Variants in SH3RF3 observed in about 807,000 individuals in gnomAD.
The protein encoded by SH3RF3 is SH3 domain containing ring finger 3, also known as E3 ubiquitin-protein ligase SH3RF3.
In SH3RF3, 29 loss-of-function variants were observed where a neutral mutation model predicts 66.3. The ratio of observed to expected loss-of-function variants is 0.44; its 90% confidence interval spans 0.33 to 0.60. SH3RF3 has a LOEUF of 0.60. SH3RF3 is among the 20% of genes least tolerant of loss of function. The pLI is 0.04. For missense variants in SH3RF3, 1,194 were observed against 1,190.9 expected, an observed-to-expected ratio of 1.00 and a Z score of -0.04; for synonymous variants, 583 against 532.0, an observed-to-expected ratio of 1.10 and a Z score of -1.32.
chr2:109,174,879 A>G (rs1218369538), intron 1 of SH3RF3, among the ~76,000 whole-genome samples: 1 of 152,190 alleles, frequency 6.6e-6, no homozygotes, highest in African/African-American at 2.4e-5. Flanking sequence ...CTCTGTCAAC[A>G]TATTTCAGAT....
intron 9 of SH3RF3, among the ~76,000 whole-genome samples, chr2:109,492,022 C>T (rs139532463): frequency 0.014 from 2,149 of 152,118 alleles, 49 homozygotes; most frequent in African/African-American, 0.049. Context: ...ACAGGTTCTT[C>T]GTCAAGGGCC....
chr2:109,471,929 T>G (rs1054342824), intron 8 of SH3RF3, among the ~76,000 whole-genome samples: 2 of 152,120 alleles, frequency 1.3e-5, no homozygotes, highest in African/African-American at 4.8e-5. Flanking sequence ...TGAACAGCAG[T>G]TCATGTAACT....
intron 1 of SH3RF3, among the ~76,000 whole-genome samples, chr2:109,201,509 C>T (rs1374549443): frequency 6.6e-6 from 1 of 152,184 alleles, no homozygotes; most frequent in African/African-American, 2.4e-5. Context: ...CCCAGGCCAC[C>T]CTTGCTGTCT....
chr2:109,495,740 C>T (rs1444480232), intron 9 of SH3RF3, among the ~76,000 whole-genome samples: 2 of 152,126 alleles, frequency 1.3e-5, no homozygotes, highest in African/African-American at 4.8e-5. Context: ...GATCCGCCCA[C>T]CTCGGATTCC....
chr2:109,237,288 A>G (rs1030561565), intron 1 of SH3RF3, among the ~76,000 whole-genome samples: 2 of 152,262 alleles, frequency 1.3e-5, no homozygotes, highest in African/African-American at 4.8e-5. Context: ...GAAGACATTT[A>G]TCTTTATCAG....
intron 1 of SH3RF3, among the ~76,000 whole-genome samples, chr2:109,142,045 G>GT (rs1004467044): frequency 6.8e-6 from 1 of 147,582 alleles, no homozygotes; most frequent in Non-Finnish European, 1.5e-5. Context: ...GAGTCTCCTG[G>GT]GGGGGGGGTC....
chr2:109,341,297 C>T (rs1682548642), intron 1 of SH3RF3, among the ~76,000 whole-genome samples: 2 of 152,242 alleles, frequency 1.3e-5, no homozygotes, highest in African/African-American at 4.8e-5. Flanking sequence ...CAAACTTCTT[C>T]ATCGCGGATT....
At chr2:109,194,183 C>A (rs1678438877) in intron 1 of SH3RF3, among the ~76,000 whole-genome samples, 1 of 152,232 alleles carries the variant, frequency 6.6e-6, no homozygotes, top group Non-Finnish European at 1.5e-5. Context: ...GGTTGGAATC[C>A]CTGAAACAGG....
At chr2:109,398,532 C>A in intron 3 of SH3RF3, 58 bp from the exon 4 acceptor site, 1 of 1,421,920 alleles carries the variant, frequency 7.0e-7, no homozygotes, top group Non-Finnish European at 9.5e-7. Flanking sequence ...GTGCAGAGGG[C>A]TGGTGTGGCA....
At chr2:109,210,604 A>C (rs994286530) in intron 1 of SH3RF3, among the ~76,000 whole-genome samples, 2 of 152,306 alleles carry the variant, frequency 1.3e-5, no homozygotes, top group East Asian at 3.9e-4. Context: ...GATTGTGTCC[A>C]GCTCAGGGAA....
intron 8 of SH3RF3, among the ~76,000 whole-genome samples, chr2:109,470,031 G>A (rs141675865): frequency 3.3e-5 from 5 of 152,236 alleles, no homozygotes; most frequent in Non-Finnish European, 7.4e-5. Context: ...TTCACTCTTC[G>A]TGCGTCCTGT....
At chr2:109,182,880 A>G (rs1413306793) in intron 1 of SH3RF3, among the ~76,000 whole-genome samples, 1 of 152,204 alleles carries the variant, frequency 6.6e-6, no homozygotes, top group Non-Finnish European at 1.5e-5. Flanking sequence ...GCCATATAAA[A>G]TTATACTGTT....
intron 5 of SH3RF3, among the ~76,000 whole-genome samples, chr2:109,423,796 A>G (rs1224191293): frequency 6.6e-6 from 1 of 152,164 alleles, no homozygotes; most frequent in Non-Finnish European, 1.5e-5. Flanking sequence ...GATGCGACCA[A>G]GAATATGAGA....
At chr2:109,394,604 C>G (rs1676090314) in intron 3 of SH3RF3, among the ~76,000 whole-genome samples, 1 of 152,184 alleles carries the variant, frequency 6.6e-6, no homozygotes, top group African/African-American at 2.4e-5. Context: ...AAAATGTGTT[C>G]TCTTTCCATT....
intron 2 of SH3RF3, among the ~76,000 whole-genome samples, chr2:109,365,560 C>G (rs142656739): frequency 1.3e-5 from 2 of 152,172 alleles, no homozygotes; most frequent in Non-Finnish European, 2.9e-5. Context: ...CAGCTTCTTA[C>G]GTTCTAGACT....
intron 6 of SH3RF3, 85 bp downstream of exon 6, chr2:109,432,756 C>CT (rs1326985179): frequency 1.3e-6 from 2 of 1,487,752 alleles, no homozygotes; most frequent in Non-Finnish European, 1.8e-6. Flanking sequence ...GGAGGCTACT[C>CT]TGTCAGCCGG....
At chr2:109,204,373 T>C (rs12615104) in intron 1 of SH3RF3, among the ~76,000 whole-genome samples, 62,668 of 152,102 alleles carry the variant, frequency 0.41, 15,173 homozygotes, top group East Asian at 0.8. Context: ...TATCTTATCT[T>C]TTAAATCATT....
chr2:109,302,462 A>G (rs10181589), intron 1 of SH3RF3, among the ~76,000 whole-genome samples: 43,860 of 152,240 alleles, frequency 0.29, 8,597 homozygotes, highest in African/African-American at 0.55. Flanking sequence ...ACCAGGCACA[A>G]CATGTGCCTC....
chr2:109,430,170 C>T (rs779982591), intron 5 of SH3RF3, among the ~76,000 whole-genome samples: 12 of 152,230 alleles, frequency 7.9e-5, no homozygotes, highest in South Asian at 2.1e-4. Flanking sequence ...GCTGTTGGTG[C>T]GGCCTGAGTT....
Sources: gnomAD v4.1 joint callset for allele counts (sites outside exome capture counted in the v4.1 genomes callset) on GRCh38, gnomAD v4.1.1 for gene constraint, MANE v1.5 for transcripts, NCBI Gene and HGNC (gene_info 2026-07-23, HGNC 2026-07-21) for gene names.